Variants in DYNC1I1 observed in about 807,000 individuals in gnomAD.
The protein encoded by DYNC1I1 is dynein cytoplasmic 1 intermediate chain 1.
Under a neutral mutation model 86.6 loss-of-function variants are expected in DYNC1I1, and 43 were observed. That is an observed-to-expected ratio of 0.50 (90% CI 0.39 to 0.64). The LOEUF is 0.64. Among genes scored for constraint, DYNC1I1 ranks in the 30% least tolerant of loss-of-function variants. The probability of loss-of-function intolerance (pLI) is 0.00; values close to 1 mark genes in which losing one functional copy is unlikely to be tolerated. For synonymous variants in DYNC1I1, 262 were observed against 283.7 expected (o/e 0.92, Z 0.77); for missense variants, 604 against 788.8 (o/e 0.77, Z 2.81).
At chr7:96,065,758 T>A (rs933176312) in intron 14 of DYNC1I1, among the ~76,000 whole-genome samples, 1 of 152,178 alleles carries the variant, frequency 6.6e-6, no homozygotes, top group Non-Finnish European at 1.5e-5. Flanking sequence ...GCCCACTCTC[T>A]CTTTCAACTT....
intron 16 of DYNC1I1, among the ~76,000 whole-genome samples, chr7:96,089,706 C>A (rs1381968948): frequency 6.6e-6 from 1 of 151,998 alleles, no homozygotes; most frequent in African/African-American, 2.4e-5. Flanking sequence ...TTTTTGGACA[C>A]TATAGATATG....
At chr7:96,071,468 A>G (rs766088793) in intron 14 of DYNC1I1, among the ~76,000 whole-genome samples, 1 of 152,150 alleles carries the variant, frequency 6.6e-6, no homozygotes, top group South Asian at 2.1e-4. Flanking sequence ...TTCTCCCATT[A>G]CCTTTTCTGC....
intron 10 of DYNC1I1, among the ~76,000 whole-genome samples, chr7:96,003,064 T>G (rs947797634): frequency 6.6e-6 from 1 of 152,062 alleles, no homozygotes; most frequent in Admixed American, 6.6e-5. Context: ...AGGCTGGTCT[T>G]GATCTCCTGA....
At chr7:95,995,445 C>G (rs1356846263) in intron 9 of DYNC1I1, among the ~76,000 whole-genome samples, 21 of 152,060 alleles carry the variant, frequency 1.4e-4, no homozygotes, top group Admixed American at 1.4e-3. Context: ...CCCCAGTAGG[C>G]AGTCAGATAT....
Position 95,971,713 on chromosome 7 carries a change from T to C in DYNC1I1, c.491-5799T>C, listed in dbSNP as rs192956016. Among the ~76,000 whole-genome samples, 3 of 152,322 alleles carry C rather than the reference T, an allele frequency of 2.0e-5. No homozygotes were observed. The East Asian group carries it at 5.8e-4, about 29-fold the overall frequency. On this transcript the variant is annotated intron_variant, in intron 6 of 16. Transcript: ENST00000447467. ...TTAAAATTGATGATGTGTTATAGTT[T>C]AATAGCAGTAATCGTCTTTCTCAGT...
chr7:95,829,787 G>A (rs1191158995), intron 5 of DYNC1I1, among the ~76,000 whole-genome samples: 1 of 118,322 alleles, frequency 8.5e-6, no homozygotes, highest in Non-Finnish European at 1.7e-5. Flanking sequence ...AACCCAGTGT[G>A]TTGGAGAGAG....
intron 6 of DYNC1I1, among the ~76,000 whole-genome samples, chr7:95,935,635 A>G (rs1450791486): frequency 6.6e-6 from 1 of 152,086 alleles, no homozygotes; most frequent in East Asian, 1.9e-4. Flanking sequence ...TGCACAGCAA[A>G]GGAAACAATC....
chr7:96,083,331 T>G (rs539936370), intron 16 of DYNC1I1, among the ~76,000 whole-genome samples: 47 of 152,240 alleles, frequency 3.1e-4, no homozygotes, highest in African/African-American at 1.1e-3. Context: ...AGGGGAACTT[T>G]TGTGTTTCTC....
intron 5 of DYNC1I1, among the ~76,000 whole-genome samples, chr7:95,858,446 G>A (rs748838548): frequency 8.6e-5 from 13 of 151,966 alleles, no homozygotes; most frequent in Non-Finnish European, 1.3e-4. Context: ...AGTAGAAAGA[G>A]TACACTCTAA....
intron 5 of DYNC1I1, among the ~76,000 whole-genome samples, chr7:95,862,836 A>G (rs1330421170): frequency 6.6e-6 from 1 of 152,260 alleles, no homozygotes; most frequent in African/African-American, 2.4e-5. Flanking sequence ...AGTTCTTTAT[A>G]GAAACTGGTG....
At chr7:95,999,766 G>T (rs756860) in intron 10 of DYNC1I1, among the ~76,000 whole-genome samples, 20,018 of 152,102 alleles carry the variant, frequency 0.13, 1,378 homozygotes, top group Non-Finnish European at 0.14. Flanking sequence ...CCCTGGGTGA[G>T]TCATGGGGGC....
chr7:96,049,015 T>A (rs1789304507), intron 14 of DYNC1I1, among the ~76,000 whole-genome samples: 1 of 152,080 alleles, frequency 6.6e-6, no homozygotes, highest in South Asian at 2.1e-4. Context: ...GTCCCAGCAC[T>A]TTGAGAGGCC....
chr7:96,051,739 C>T (rs1218742833), intron 14 of DYNC1I1, among the ~76,000 whole-genome samples: 1 of 152,176 alleles, frequency 6.6e-6, no homozygotes, highest in Non-Finnish European at 1.5e-5. Flanking sequence ...TTCACTTTTA[C>T]ATCCTCTGAT....
At chr7:95,886,463 CA>C (rs1361197559) in intron 6 of DYNC1I1, among the ~76,000 whole-genome samples, 3 of 149,540 alleles carry the variant, frequency 2.0e-5, no homozygotes, top group East Asian at 4.0e-4. Context: ...AACAAACAAG[CA>C]AAAAAACCCA....
At chr7:95,968,719 C>T (rs541118594) in intron 6 of DYNC1I1, among the ~76,000 whole-genome samples, 69 of 152,094 alleles carry the variant, frequency 4.5e-4, no homozygotes, top group South Asian at 8.3e-4. Flanking sequence ...TGTCTAAAAG[C>T]GGAAGTAGAT....
rs200947605 is a variant in DYNC1I1, at chr7:96,039,337, C to T, written c.1425C>T (p.Cys475=). 4 of 1,614,140 alleles carry T rather than the reference C, an allele frequency of 2.5e-6. No individual in the cohort carries two copies. The East Asian group carries it at 8.9e-5, about 36-fold the overall frequency. ...AAGGGCCAGTGACAGGAATTAACTGCCACATGGCAGTGGGCCCAATCGACT... is the reference window on the plus strand; with the variant it reads ...AAGGGCCAGTGACAGGAATTAACTGTCACATGGCAGTGGGCCCAATCGACT... ...GHQGPVTGIN[C]HMAVGPIDFS... Residue 475 remains cysteine, a synonymous_variant, in exon 14 of 17, where the codon TGC becomes TGT. Coordinates refer to ENST00000447467, the MANE Select transcript of DYNC1I1 (RefSeq NM_001135556.2).
intron 10 of DYNC1I1, among the ~76,000 whole-genome samples, chr7:96,011,118 A>G (rs1376962259): frequency 1.3e-5 from 2 of 152,196 alleles, no homozygotes; most frequent in African/African-American, 4.8e-5. Context: ...ACGAATGTAA[A>G]CACAGTAGAA....
intron 6 of DYNC1I1, among the ~76,000 whole-genome samples, chr7:95,911,857 T>C (rs921141529): frequency 3.5e-4 from 53 of 152,130 alleles, no homozygotes; most frequent in African/African-American, 1.3e-3. Context: ...ATTAGAAAAA[T>C]GTGTATAGCT....
At chr7:96,022,339 G>A (rs1317346281) in intron 10 of DYNC1I1, among the ~76,000 whole-genome samples, 1 of 152,140 alleles carries the variant, frequency 6.6e-6, no homozygotes, top group Admixed American at 6.5e-5. Context: ...AAGGTTATCA[G>A]GATGATGGGT....
Sources: gnomAD v4.1 joint callset for allele counts (sites outside exome capture counted in the v4.1 genomes callset) on GRCh38, gnomAD v4.1.1 for gene constraint, MANE v1.5 for transcripts, NCBI Gene and HGNC (gene_info 2026-07-23, HGNC 2026-07-21) for gene names.